Variants in FKTN observed in about 807,000 individuals in gnomAD.
FKTN encodes the protein fukutin, also known as ribitol-5-phosphate transferase FKTN.
FKTN carries 47 observed loss-of-function variants against 58.6 expected under a neutral mutation model. The observed-to-expected ratio is 0.80, with a 90% CI of 0.63 to 1.02. The LOEUF (loss-of-function observed/expected upper bound fraction) is 1.02, where lower values mean the gene tolerates loss of function less well. Ranked by LOEUF, FKTN falls within the 50% of genes least tolerant of loss-of-function variation. The pLI, the probability that FKTN is intolerant of heterozygous loss-of-function variation, is 0.00. For synonymous variants in FKTN, 178 were observed against 191.9 expected, an observed-to-expected ratio of 0.93 and a Z score of 0.60; for missense variants, 516 against 537.3, an observed-to-expected ratio of 0.96 and a Z score of 0.39.
At chr9:105,606,433 C>T (rs943902807) in intron 6 of FKTN, among the ~76,000 whole-genome samples, 1 of 151,820 alleles carries the variant, frequency 6.6e-6, no homozygotes, top group African/African-American at 2.4e-5. Flanking sequence ...GGATTAAAAA[C>T]ATTCTTGAAG....
At chr9:105,577,710 T>G (rs927537627) in intron 3 of FKTN, among the ~76,000 whole-genome samples, 4 of 151,210 alleles carry the variant, frequency 2.6e-5, no homozygotes, top group Non-Finnish European at 4.4e-5. Context: ...GTGAAGAAAG[T>G]CATTGGTAGC....
intron 1 of FKTN, among the ~76,000 whole-genome samples, chr9:105,566,444 G>A (rs942262500): frequency 5.3e-5 from 8 of 151,664 alleles, no homozygotes; most frequent in Admixed American, 2.0e-4. Context: ...TGAAATAGAC[G>A]CAATAAAAAA....
At chr9:105,588,113 C>T (rs56295474) in intron 3 of FKTN, among the ~76,000 whole-genome samples, 2,266 of 152,238 alleles carry the variant, frequency 0.015, 31 homozygotes, top group Non-Finnish European at 0.022. Context: ...TTGAGGGTTT[C>T]TATAAGAAAC....
chr9:105,610,520 T>G (rs1426964612), intron 7 of FKTN, among the ~76,000 whole-genome samples: 1 of 152,008 alleles, frequency 6.6e-6, no homozygotes, highest in Non-Finnish European at 1.5e-5. Context: ...GTATGTAACC[T>G]ATCTTCCAAC....
chr9:105,597,492 T>G lies in FKTN; in HGVS notation c.165+835T>G, dbSNP rs897993662. ...AATTTATTAAAAATAGCAATTGTTT[T>G]GCTCTGTGAATTTAGGGTATTCTGA... On this transcript the variant is annotated intron_variant, in intron 4 of 10. Transcript: ENST00000357998. Among the ~76,000 whole-genome samples the G allele has an allele frequency of 5.3e-5, 8 of 152,304 alleles. No homozygotes were observed. The East Asian group carries it at 1.5e-3, about 29-fold the overall frequency.
intron 10 of FKTN, among the ~76,000 whole-genome samples, chr9:105,624,589 C>T (rs1210949765): frequency 6.7e-6 from 1 of 149,760 alleles, no homozygotes; most frequent in Non-Finnish European, 1.5e-5. Context: ...CACATTTGCA[C>T]CACTGTACTC....
intron 1 of FKTN, among the ~76,000 whole-genome samples, chr9:105,568,778 C>T (rs1200758818): frequency 1.3e-5 from 2 of 152,152 alleles, no homozygotes; most frequent in African/African-American, 2.4e-5. Context: ...ACCCAGTGAT[C>T]CCATTACTGG....
Position 105,607,971 on chromosome 9 carries a change from G to T in FKTN, c.780+20G>T, listed in dbSNP as rs560193714. 1 of 1,602,178 alleles carries T rather than the reference G, an allele frequency of 6.2e-7. No individual in the cohort carries two copies. The highest frequency in any genetic ancestry group is 8.5e-7 in the Non-Finnish European group (1 of 1,169,630). On this transcript the variant is annotated intron_variant, in intron 7 of 10. Transcript: ENST00000357998. ...TTTCAGGTTAGAGACAACCAAATGT[G>T]TACTTTTAAATTAAAGAAAATGTTG...
At chr9:105,586,846 A>C (rs1420766714) in intron 3 of FKTN, among the ~76,000 whole-genome samples, 1 of 152,196 alleles carries the variant, frequency 6.6e-6, no homozygotes, top group African/African-American at 2.4e-5. Context: ...AATTGTATTA[A>C]ATTCTTATAG....
At position 105,636,184 on chromosome 9, in the gene FKTN, AT is replaced by A. The variant is rs1834021217; in HGVS notation, c.*924del. The A allele has an allele frequency of 6.7e-6, 6 of 893,416 alleles. No homozygotes were observed. The highest frequency in any genetic ancestry group is 8.0e-6 in the Non-Finnish European group (6 of 746,274). 55.3% of individuals were successfully genotyped at this position (893,416 alleles called of 1,614,324 possible). A position where few individuals can be genotyped will look rare whatever the true frequency, so the allele number is the denominator to read the frequency against. On this transcript the variant is annotated 3_prime_UTR_variant, in exon 11 of 11. Transcript: ENST00000357998. ...TGAATTTATAATCTGTGCACTCCCA[AT>A]TTTAATGACACTAAAATATTAATAG...
rs1199617685 is a variant in FKTN at position 105,635,474 on chromosome 9, A to C, written c.*210A>C. 7.0e-7 allele frequency: 1 copy of C among 1,428,592 alleles called. No homozygotes were observed. Among genetic ancestry groups the C allele is most frequent in the Non-Finnish European group, 9.1e-7 (1 of 1,097,882 alleles). 88.5% of individuals were successfully genotyped at this position (1,428,592 alleles called of 1,614,324 possible). A position where few individuals can be genotyped will look rare whatever the true frequency, so the allele number is the denominator to read the frequency against. On this transcript the variant is annotated 3_prime_UTR_variant, in exon 11 of 11. Transcript: ENST00000357998. ...ATACAATGCTAGGTTACAGTGGAGA[A>C]GCCTAGATGAATGAGACAAATACCT...
In FKTN at chr9:105,636,027, T is replaced by A. The variant is rs1394187187; in HGVS notation, c.*763T>A. ...ACCTCTGATGGCACTTGTTGACAAA[T>A]CATTCAAGTGAGACCATGTTACTAG... On this transcript the variant is annotated 3_prime_UTR_variant, in exon 11 of 11. Transcript: ENST00000357998. 1.0e-6 allele frequency: 1 copy of A among 985,408 alleles called. No homozygotes were observed. The highest frequency in any genetic ancestry group is 1.1e-4 in the East Asian group (1 of 8,822). The allele number at this position is 985,408 out of a possible 1,614,324, so 61.0% of individuals were successfully genotyped here.
intron 1 of FKTN, among the ~76,000 whole-genome samples, chr9:105,562,648 G>A (rs1355985473): frequency 2.0e-5 from 3 of 152,160 alleles, no homozygotes; most frequent in African/African-American, 7.2e-5. Flanking sequence ...TTTTGGAAAA[G>A]GTTACTATCA....
At chr9:105,625,611 G>A (rs1264785693) in intron 10 of FKTN, among the ~76,000 whole-genome samples, 1 of 152,062 alleles carries the variant, frequency 6.6e-6, no homozygotes, top group African/African-American at 2.4e-5. Flanking sequence ...CGGAAGAAAT[G>A]GTAAAAGAAC....
At chr9:105,609,411 A>T (rs1435410583) in intron 7 of FKTN, among the ~76,000 whole-genome samples, 1 of 152,064 alleles carries the variant, frequency 6.6e-6, no homozygotes, top group Non-Finnish European at 1.5e-5. Context: ...GTATTTTTTT[A>T]AAAATAGGAA....
At chr9:105,577,388 G>A (rs1413581593) in intron 3 of FKTN, among the ~76,000 whole-genome samples, 2 of 137,524 alleles carry the variant, frequency 1.5e-5, no homozygotes, top group Non-Finnish European at 3.1e-5. Context: ...TCTACATATG[G>A]CTAGCCAGTT....
chr9:105,563,011 T>G (rs941378447), intron 1 of FKTN, among the ~76,000 whole-genome samples: 5 of 152,332 alleles, frequency 3.3e-5, no homozygotes, highest in African/African-American at 1.2e-4. Context: ...CATTCATTCA[T>G]TCATTCATTC....
chr9:105,607,713 C>T, intron 6 of FKTN, 106 bp from the exon 7 acceptor site: 1 of 979,664 alleles, frequency 1.0e-6, no homozygotes, highest in Admixed American at 1.8e-5. Context: ...CACCTATCAA[C>T]CTGTTATCTA....
rs1834007785 is a variant in FKTN at position 105,635,978 on chromosome 9, T to A, written c.*714T>A. 1.0e-6 allele frequency: 1 copy of A among 985,590 alleles called. No individual in the cohort carries two copies. Among genetic ancestry groups the A allele is most frequent in the Admixed American group, 6.1e-5 (1 of 16,332 alleles). 61.1% of individuals were successfully genotyped at this position (985,590 alleles called of 1,614,324 possible). A position where few individuals can be genotyped will look rare whatever the true frequency, so the allele number is the denominator to read the frequency against. On this transcript the variant is annotated 3_prime_UTR_variant, in exon 11 of 11. Transcript: ENST00000357998. The stretch of plus-strand genomic sequence containing the variant: ...TGCTTGTTTAATGCTTAAATTTCCA[T>A]CCATTGTGAGAATATTTTCACTGAC...
Sources: gnomAD v4.1 joint callset for allele counts (sites outside exome capture counted in the v4.1 genomes callset) on GRCh38, gnomAD v4.1.1 for gene constraint, MANE v1.5 for transcripts, NCBI Gene and HGNC (gene_info 2026-07-23, HGNC 2026-07-21) for gene names.